The following SPSB1 variants were observed in gnomAD, a reference collection of about 807,000 sequenced individuals.
SPSB1 encodes the protein splA/ryanodine receptor domain and SOCS box containing 1.
Under a neutral mutation model 21.2 loss-of-function variants are expected in SPSB1, and 8 were observed. The observed-to-expected ratio is 0.38, with a 90% CI of 0.22 to 0.68. The LOEUF (loss-of-function observed/expected upper bound fraction) is 0.68, where lower values mean the gene tolerates loss of function less well. Ranked by LOEUF, SPSB1 falls within the 30% of genes least tolerant of loss-of-function variation. The pLI is 0.53. For missense variants in SPSB1, 242 were observed against 377.8 expected, an observed-to-expected ratio of 0.64 and a Z score of 2.98; for synonymous variants, 169 against 161.7, an observed-to-expected ratio of 1.05 and a Z score of -0.34.
At chr1:9,322,395 C>T (rs1230074834) in intron 1 of SPSB1, among the ~76,000 whole-genome samples, 4 of 152,150 alleles carry the variant, frequency 2.6e-5, no homozygotes, top group Admixed American at 1.3e-4. Context: ...CCGTGCCTCG[C>T]TCTCATTTTT....
At chr1:9,353,933 G>A (rs1325418367) in intron 1 of SPSB1, among the ~76,000 whole-genome samples, 1 of 151,336 alleles carries the variant, frequency 6.6e-6, no homozygotes, top group Non-Finnish European at 1.5e-5. Context: ...AAAAAAAAAG[G>A]AACCCTGTGT....
In SPSB1 at chr1:9,323,078, G is replaced by A. The variant is rs538717909; in HGVS notation, c.-150+30007G>A. On this transcript the variant is annotated intron_variant, in intron 1 of 2. Coordinates refer to ENST00000328089, the MANE Select transcript of SPSB1 (RefSeq NM_025106.4). ...CTGGTGGTGGACGGGCCAGGCGGCC[G>A]CCCCTCCCCAGCTCCGGCCTTCGAG... 7.2e-5 allele frequency among the ~76,000 whole-genome samples: 11 copies of A among 152,304 alleles called. No individual in the cohort carries two copies. In the South Asian group the frequency reaches 8.3e-4, roughly 11 times the overall value.
chr1:9,296,810 G>T (rs1639233770), intron 1 of SPSB1, among the ~76,000 whole-genome samples: 1 of 152,222 alleles, frequency 6.6e-6, no homozygotes, highest in Admixed American at 6.5e-5. Context: ...TTCCTTGCTT[G>T]GACAAAGGGA....
chr1:9,334,294 C>T (rs531855900), intron 1 of SPSB1, among the ~76,000 whole-genome samples: 1 of 152,218 alleles, frequency 6.6e-6, no homozygotes, highest in East Asian at 1.9e-4. Flanking sequence ...CCATGTTGGC[C>T]AGGCTGCTCT....
At position 9,321,543 on chromosome 1, in the gene SPSB1, G is replaced by A. The variant is rs929283052; in HGVS notation, c.-150+28472G>A. On this transcript the variant is annotated intron_variant, in intron 1 of 2. Transcript: ENST00000328089. The surrounding 1 kb of genome is among the most constrained non-coding windows in gnomAD (Gnocchi z 4.8). ...TGCCAAGGATTCAGCTCAGAACGGG[G>A]AAGAGGGTGTTTGAGAGACTGATGA... Among the ~76,000 whole-genome samples the A allele has an allele frequency of 1.3e-5, 2 of 152,192 alleles. No homozygotes were observed. The highest frequency in any genetic ancestry group is 4.1e-4 in the South Asian group (2 of 4,826).
chr1:9,353,778 C>T (rs1056714552), intron 1 of SPSB1, among the ~76,000 whole-genome samples: 4 of 151,966 alleles, frequency 2.6e-5, no homozygotes, highest in Non-Finnish European at 5.9e-5. Flanking sequence ...ATTAGCTGGG[C>T]GTGGTGGTGG....
intron 1 of SPSB1, among the ~76,000 whole-genome samples, chr1:9,337,887 C>A (rs569010880): frequency 6.6e-6 from 1 of 152,314 alleles, no homozygotes; most frequent in Admixed American, 6.5e-5. Flanking sequence ...CCAAGAGCAC[C>A]TTTAGGGGCG....
At chr1:9,310,576 T>G (rs924075986) in intron 1 of SPSB1, among the ~76,000 whole-genome samples, 27 of 152,074 alleles carry the variant, frequency 1.8e-4, no homozygotes, top group African/African-American at 6.5e-4. Context: ...ATGCCTGTGA[T>G]CCCAGCTACT....
intron 2 of SPSB1, among the ~76,000 whole-genome samples, chr1:9,361,163 T>TTTTTTTTTTTTTTTCTTTC (rs1557467310): frequency 7.5e-6 from 1 of 132,654 alleles, no homozygotes; most frequent in Non-Finnish European, 1.7e-5. Context: ...TTTCTTTTTT[T>TTTTTTTTTTTTTTTCTTTC]TTTTTTTTTT....
At chr1:9,303,911 C>T (rs1471154226) in intron 1 of SPSB1, among the ~76,000 whole-genome samples, 1 of 152,202 alleles carries the variant, frequency 6.6e-6, no homozygotes, top group African/African-American at 2.4e-5. Flanking sequence ...ACACTGAGCC[C>T]ATCCCTTTTC....
In SPSB1 at chr1:9,317,837, A is replaced by ATTTT. The variant is rs34392416; in HGVS notation, c.-150+24782_-150+24785dup. 1.5e-5 allele frequency among the ~76,000 whole-genome samples: 2 copies of ATTTT among 134,726 alleles called. No individual in the cohort carries two copies. The highest frequency in any genetic ancestry group is 2.9e-5 in the African/African-American group (1 of 35,000). The allele number at this position is 134,726 out of a possible 152,430, so 88.4% of individuals were successfully genotyped here. A position where few individuals can be genotyped will look rare whatever the true frequency, so the allele number is the denominator to read the frequency against. ...GTGATTTCCGGTGGCGAGGGAACCA[A>ATTTT]TTTTTTTTTTTTTTTTTTTGAGACC... On this transcript the variant is annotated intron_variant, in intron 1 of 2. Transcript: ENST00000328089. This position sits in a 1 kb window ranked among gnomAD's most constrained non-coding sequence, Gnocchi z 4.3.
At chr1:9,308,757 C>T (rs1424766138) in intron 1 of SPSB1, among the ~76,000 whole-genome samples, 2 of 152,202 alleles carry the variant, frequency 1.3e-5, no homozygotes. Context: ...AGGTTTTCTG[C>T]GTTGCAGGAA....
intron 1 of SPSB1, among the ~76,000 whole-genome samples, chr1:9,298,284 A>C (rs943047495): frequency 1.3e-4 from 20 of 152,274 alleles, no homozygotes; most frequent in Non-Finnish European, 2.8e-4. Context: ...AACTTGAATA[A>C]TTAAAACAGA....
chr1:9,309,934 A>C lies in SPSB1; in HGVS notation c.-150+16863A>C, dbSNP rs148407034. ...GGAGACCCAATTCAACTTCCTGGTC[A>C]TTTTGTTTGGCTGTGCCTGGAGCTC... On this transcript the variant is annotated intron_variant, in intron 1 of 2. Coordinates refer to ENST00000328089, the MANE Select transcript of SPSB1 (RefSeq NM_025106.4). Among the ~76,000 whole-genome samples, 135 of 152,196 alleles carry C rather than the reference A, an allele frequency of 8.9e-4. 1 individual carries two copies. The highest frequency in any genetic ancestry group is 3.1e-3 in the African/African-American group (129 of 41,540).
At position 9,295,248 on chromosome 1, in the gene SPSB1, G is replaced by A. The variant is rs568567938; in HGVS notation, c.-150+2177G>A. Among the ~76,000 whole-genome samples, 9 of 151,380 alleles carry A rather than the reference G, an allele frequency of 5.9e-5. No individual in the cohort carries two copies. In the East Asian group the frequency reaches 9.7e-4, roughly 16 times the overall value. On this transcript the variant is annotated intron_variant, in intron 1 of 2. Transcript: ENST00000328089. ...TGTGTGTGTGTGTGTGTGTGCGCGC[G>A]TGCGGTTGGGGAGGTGTGGAGTGGA...
chr1:9,336,505 C>T lies in SPSB1; in HGVS notation c.-149-19238C>T, dbSNP rs563514699. 7.2e-5 allele frequency among the ~76,000 whole-genome samples: 11 copies of T among 152,332 alleles called. No homozygotes were observed. In the East Asian group the frequency reaches 1.7e-3, roughly 24 times the overall value. ...CCTCCCAAAGTGCTGGGATTACAGG[C>T]GTGAGCCACCACGTCCGGCTCCTCC... On this transcript the variant is annotated intron_variant, in intron 1 of 2. Transcript: ENST00000328089.
At chr1:9,322,566 G>A (rs1639737852) in intron 1 of SPSB1, among the ~76,000 whole-genome samples, 2 of 152,186 alleles carry the variant, frequency 1.3e-5, no homozygotes, top group African/African-American at 4.8e-5. Context: ...CTCAGGGTTC[G>A]TAGCTGATGA....
intron 1 of SPSB1, among the ~76,000 whole-genome samples, chr1:9,326,106 T>C (rs1639811569): frequency 6.6e-6 from 1 of 151,714 alleles, no homozygotes; most frequent in Admixed American, 6.6e-5. Flanking sequence ...GTGGCTGGGC[T>C]GCCGACACGT....
chr1:9,340,112 C>CA (rs1640066377), intron 1 of SPSB1, among the ~76,000 whole-genome samples: 1 of 152,192 alleles, frequency 6.6e-6, no homozygotes, highest in Non-Finnish European at 1.5e-5. Context: ...GTCTGTGGGC[C>CA]GCCCTAGGGT....
Sources: allele counts gnomAD v4.1 joint callset (sites outside exome capture counted in the v4.1 genomes callset), GRCh38; gene constraint gnomAD v4.1.1; non-coding constraint Gnocchi (gnomAD v3.1); transcripts MANE v1.5; gene names NCBI Gene and HGNC (gene_info 2026-07-23, HGNC 2026-07-21).